Variants in MYO1A observed in about 807,000 individuals in gnomAD.
The protein encoded by MYO1A is unconventional myosin-Ia.
In MYO1A, 127 loss-of-function variants were observed where a neutral mutation model predicts 138.5. That is an observed-to-expected ratio of 0.92 (90% CI 0.79 to 1.06). MYO1A has a LOEUF of 1.06. MYO1A is among the 50% of genes least tolerant of loss of function. The pLI, the probability that MYO1A is intolerant of heterozygous loss-of-function variation, is 0.00. For synonymous variants in MYO1A, 477 were observed against 497.5 expected (o/e 0.96, Z 0.55); for missense variants, 1,211 against 1,288.8 (o/e 0.94, Z 0.92).
intron 14 of MYO1A, among the ~76,000 whole-genome samples, chr12:57,040,660 A>C (rs184849255): frequency 6.6e-6 from 1 of 152,302 alleles, no homozygotes; most frequent in East Asian, 1.9e-4. Flanking sequence ...GGTTTTGATG[A>C]GTGAGACTCT....
intron 22 of MYO1A, among the ~76,000 whole-genome samples, chr12:57,031,807 G>A (rs1051169319): frequency 6.6e-6 from 1 of 152,158 alleles, no homozygotes; most frequent in African/African-American, 2.4e-5. Context: ...TCCTAACCAC[G>A]GTCAAAAATC....
chr12:57,044,179 CCA>C lies in MYO1A; in HGVS notation c.669_670del (p.Gly224LeufsTer7). On this transcript the variant is annotated frameshift_variant, in exon 9 of 28. Coordinates refer to ENST00000300119, the MANE Select transcript of MYO1A (RefSeq NM_005379.4). LOFTEE classifies it high-confidence loss of function. ...TACTTCATGATTCAGATAGGCATAG[CCA>C]GTTGTATCCCGCTCAAGCTTCAGGG... 1 of 1,614,120 alleles carries C rather than the reference CCA, an allele frequency of 6.2e-7. No homozygotes were observed. Among genetic ancestry groups the C allele is most frequent in the Non-Finnish European group, 8.5e-7 (1 of 1,180,018 alleles).
chr12:57,033,922 G>A (rs1487086930), intron 22 of MYO1A, among the ~76,000 whole-genome samples: 2 of 152,228 alleles, frequency 1.3e-5, no homozygotes, highest in Non-Finnish European at 2.9e-5. Flanking sequence ...ATCTGGGCCT[G>A]TGAAGGCCTC....
At position 57,041,491 on chromosome 12, in the gene MYO1A, T is replaced by C. The variant is rs2030857610; in HGVS notation, c.1105A>G (p.Ile369Val). Residue 369 changes from isoleucine (I) to valine (V), a missense_variant, in exon 13 of 28, where the codon ATC becomes GTC. Coordinates refer to ENST00000300119, the MANE Select transcript of MYO1A (RefSeq NM_005379.4). Reference protein sequence around the residue: ...NRINESIKVGIGEKKKVMGVL... With the variant: ...NRINESIKVGVGEKKKVMGVL... Reference sequence around the variant, plus strand: ...CCCATTACCTTCTTCTTTTCCCCGATGCCCACCTGAAGAGGAGAGAAAGAT... The same window carrying C: ...CCCATTACCTTCTTCTTTTCCCCGACGCCCACCTGAAGAGGAGAGAAAGAT... The C allele has an allele frequency of 1.2e-6, 2 of 1,612,954 alleles. No individual in the cohort carries two copies. Among genetic ancestry groups the C allele is most frequent in the Non-Finnish European group, 1.7e-6 (2 of 1,178,932 alleles).
chr12:57,043,108 A>G lies in MYO1A; in HGVS notation c.1062T>C (p.Phe354=). 1.2e-6 allele frequency: 2 copies of G among 1,614,188 alleles called. No homozygotes were observed. The highest frequency in any genetic ancestry group is 1.7e-6 in the Non-Finnish European group (2 of 1,180,030). ...CATTGATTCGATTCACTATCCAGTC[A>G]AAGAGGCGGCTGTAGATGTTCTTAG... ...ALAKNIYSRL[F]DWIVNRINES... The change falls in exon 12 of 28, where the codon TTT becomes TTC. Residue 354 remains phenylalanine (F), a synonymous_variant. Transcript: ENST00000300119.
In MYO1A at chr12:57,041,445, A is replaced by G; in HGVS notation, c.1151T>C (p.Phe384Ser). The G allele has an allele frequency of 6.2e-7, 1 of 1,613,372 alleles. No individual in the cohort carries two copies. Residue 384 changes from phenylalanine (F) to serine (S), a missense_variant, in exon 13 of 28, where the codon TTT becomes TCT. Transcript: ENST00000300119. ...KVMGVLDIYG[F>S]EILEDNSFEQ... is the part of the protein sequence containing the mutation. Reference sequence around the variant, plus strand: ...AGGCACTCTCACCTCTAATATCTCAAAACCGTAGATATCAAGGACTCCCAT... The same window carrying G: ...AGGCACTCTCACCTCTAATATCTCAGAACCGTAGATATCAAGGACTCCCAT...
chr12:57,043,353 G>C lies in MYO1A; in HGVS notation c.898C>G (p.Arg300Gly). 6.2e-7 allele frequency: 1 copy of C among 1,613,550 alleles called. No homozygotes were observed. The highest frequency in any genetic ancestry group is 8.5e-7 in the Non-Finnish European group (1 of 1,179,586). The change falls in exon 11 of 28, where the codon CGG becomes GGG. Residue 300 changes from arginine (R) to glycine (G), a missense_variant. Coordinates refer to ENST00000300119, the MANE Select transcript of MYO1A (RefSeq NM_005379.4). ...ASGIRDGRGV[R>G]EIGEMVGLNS... ...AAGCCCACCATCTCCCCAATCTCCCGAACACCTGGGATAATGAGAAAGTAC... is the reference window on the plus strand; with the variant it reads ...AAGCCCACCATCTCCCCAATCTCCCCAACACCTGGGATAATGAGAAAGTAC...
At position 57,044,127 on chromosome 12, in the gene MYO1A, G is replaced by A; in HGVS notation, c.723C>T (p.Ala241=). The A allele has an allele frequency of 6.2e-7, 1 of 1,614,196 alleles. No homozygotes were observed. Among genetic ancestry groups the A allele is most frequent in the Non-Finnish European group, 8.5e-7 (1 of 1,180,040 alleles). ...EVSRVDGMDD[A]SSFRAVQSAM... Reference sequence around the variant, plus strand: ...CCACCTGTACAGCCCTGAAGCTGGAGGCGTCGTCCATGCCATCCACTCTGG... The same window carrying A: ...CCACCTGTACAGCCCTGAAGCTGGAAGCGTCGTCCATGCCATCCACTCTGG... Residue 241 remains alanine, a synonymous_variant, in exon 9 of 28, where the codon GCC becomes GCT. Coordinates refer to ENST00000300119, the MANE Select transcript of MYO1A (RefSeq NM_005379.4).
At chr12:57,028,993 C>A in intron 27 of MYO1A, 112 bp from the exon 28 acceptor site, 4 of 1,591,360 alleles carry the variant, frequency 2.5e-6, no homozygotes, top group East Asian at 2.2e-5. Flanking sequence ...CCCCAGAGAA[C>A]CTGGGTGGGG....
chr12:57,038,489 CG>C lies in MYO1A; in HGVS notation c.1682del (p.Pro561ArgfsTer15), dbSNP rs746990682. 1 of 1,614,170 alleles carries C rather than the reference CG, an allele frequency of 6.2e-7. No homozygotes were observed. Among genetic ancestry groups the C allele is most frequent in the East Asian group, 2.2e-5 (1 of 44,888 alleles). Reference sequence around the variant, plus strand: ...AACTCTTGAACTGGGCCCCAGCAGTCGGGGGGCGTTTGAGAGATGCCTGCTT... The same window carrying C: ...AACTCTTGAACTGGGCCCCAGCAGTCGGGGGCGTTTGAGAGATGCCTGCTT... ...NPKQASLKRP[P>X]TAGAQFKSSV... On this transcript the variant is annotated frameshift_variant, in exon 17 of 28. Coordinates refer to ENST00000300119, the MANE Select transcript of MYO1A (RefSeq NM_005379.4). LOFTEE classifies it high-confidence loss of function.
intron 22 of MYO1A, among the ~76,000 whole-genome samples, chr12:57,034,710 T>A (rs2030447853): frequency 6.6e-6 from 1 of 151,912 alleles, no homozygotes; most frequent in South Asian, 2.1e-4. Context: ...GGCTCACACC[T>A]GTAATCCTAG....
In MYO1A at chr12:57,047,103, A is replaced by G. The variant is rs1565648138; in HGVS notation, c.435T>C (p.Phe145=). 7.4e-6 allele frequency: 12 copies of G among 1,614,168 alleles called. No individual in the cohort carries two copies. Among genetic ancestry groups the G allele is most frequent in the Non-Finnish European group, 9.3e-6 (11 of 1,180,002 alleles). Residue 145 remains phenylalanine, a synonymous_variant, in exon 6 of 28, where the codon TTT becomes TTC. Transcript: ENST00000300119. ...LLQSNPVLEA[F]GNAKTIRNNN... Reference sequence around the variant, plus strand: ...TGTTGCGAATGGTCTTGGCATTGCCAAAAGCTACAGAGATGAGGAGGGGAG... The same window carrying G: ...TGTTGCGAATGGTCTTGGCATTGCCGAAAGCTACAGAGATGAGGAGGGGAG...
At chr12:57,049,794 G>T (rs907009848) in intron 1 of MYO1A, 93 bp downstream of exon 1, 1 of 152,274 alleles carries the variant, frequency 6.6e-6, no homozygotes, top group Non-Finnish European at 1.5e-5. Context: ...AATGTGACTG[G>T]TTGAGGGTGG....
intron 3 of MYO1A, 78 bp from the exon 4 acceptor site, chr12:57,047,799 G>T: frequency 1.3e-6 from 2 of 1,586,834 alleles, no homozygotes; most frequent in Non-Finnish European, 1.7e-6. Flanking sequence ...CCAGCACGCA[G>T]GTTCATCCAC....
Position 57,047,709 on chromosome 12 carries a change from T to C in MYO1A, c.243A>G (p.Ala81=). The C allele has an allele frequency of 6.2e-7, 1 of 1,614,170 alleles. No individual in the cohort carries two copies. Among genetic ancestry groups the C allele is most frequent in the African/African-American group, 1.3e-5 (1 of 75,052 alleles). ...YELKPHIYAL[A]NVAYQSLRDR... is the part of the protein sequence containing the mutation. ...CCCTCAGTGACTGGTACGCCACATT[T>C]GCCAATGCGTAGCTTGTGGGGAGGA... is the stretch of plus-strand genomic sequence containing the variant. Residue 81 remains alanine, a synonymous_variant, in exon 4 of 28, where the codon GCA becomes GCG. Coordinates refer to ENST00000300119, the MANE Select transcript of MYO1A (RefSeq NM_005379.4).
intron 22 of MYO1A, among the ~76,000 whole-genome samples, chr12:57,034,806 T>C (rs2030452549): frequency 2.0e-5 from 3 of 152,034 alleles, no homozygotes; most frequent in African/African-American, 7.3e-5. Flanking sequence ...CTGTCTCTAC[T>C]AAAAATACAA....
In MYO1A at chr12:57,030,216, G is replaced by A; in HGVS notation, c.2585C>T (p.Pro862Leu). ...ELFKGKKASY[P>L]QSVPIPFCGD... ...GGGTCTGGGAGGCCCTCACCTCTGG[G>A]GATATGAAGCCTTCTTGCCCTTGAA... is the stretch of plus-strand genomic sequence containing the variant. Residue 862 changes from proline (P) to leucine (L), a missense_variant, in exon 24 of 28, where the codon CCC becomes CTC. Physicochemically the swap from Pro to Leu is moderately conservative, Grantham distance 98. Transcript: ENST00000300119. 6.2e-7 allele frequency: 1 copy of A among 1,613,828 alleles called. No individual in the cohort carries two copies. The highest frequency in any genetic ancestry group is 8.5e-7 in the Non-Finnish European group (1 of 1,179,716).
At chr12:57,049,056 A>C (rs769254600) in intron 1 of MYO1A, among the ~76,000 whole-genome samples, 1 of 152,234 alleles carries the variant, frequency 6.6e-6, no homozygotes, top group Non-Finnish European at 1.5e-5. Flanking sequence ...GATGTGCTAC[A>C]TGTCTGTCTC....
Position 57,039,284 on chromosome 12 carries a change from G to C in MYO1A, c.1270-10C>G. ...TTGTCCACGGTATGCCCTGGTCAGG[G>C]GAGACAACAAATTACAGGGAACACG... On this transcript the variant is annotated splice_polypyrimidine_tract_variant and intron_variant, in intron 14 of 27. Coordinates refer to ENST00000300119, the MANE Select transcript of MYO1A (RefSeq NM_005379.4). 6.2e-7 allele frequency: 1 copy of C among 1,612,438 alleles called. No individual in the cohort carries two copies. The highest frequency in any genetic ancestry group is 8.5e-7 in the Non-Finnish European group (1 of 1,178,528).
Sources: allele counts gnomAD v4.1 joint callset (sites outside exome capture counted in the v4.1 genomes callset), GRCh38; gene constraint gnomAD v4.1.1; transcripts MANE v1.5; gene names NCBI Gene and HGNC (gene_info 2026-07-23, HGNC 2026-07-21).